LINGO2: variants seen among roughly 807,000 people sequenced by gnomAD.
LINGO2 encodes leucine rich repeat and Ig domain containing 2.
In LINGO2, 14 loss-of-function variants were observed where a neutral mutation model predicts 30.6. The observed-to-expected ratio is 0.46, with a 90% CI of 0.30 to 0.72. The LOEUF (loss-of-function observed/expected upper bound fraction) is 0.72, where lower values mean the gene tolerates loss of function less well. Among genes scored for constraint, LINGO2 ranks in the 30% least tolerant of loss-of-function variants. The pLI is 0.07. For missense variants in LINGO2, 729 were observed against 751.7 expected, an observed-to-expected ratio of 0.97 and a Z score of 0.35; for synonymous variants, 317 against 288.5, an observed-to-expected ratio of 1.10 and a Z score of -1.00.
At chr9:28,407,057 T>C (rs1410766143) in intron 2 of LINGO2, among the ~76,000 whole-genome samples, 1 of 152,122 alleles carries the variant, frequency 6.6e-6, no homozygotes, top group East Asian at 1.9e-4. Flanking sequence ...TACTACATTT[T>C]TGTTTCTAGG....
At chr9:28,076,062 T>C (rs531344893) in intron 4 of LINGO2, among the ~76,000 whole-genome samples, 3 of 152,208 alleles carry the variant, frequency 2.0e-5, no homozygotes, top group Non-Finnish European at 4.4e-5. Flanking sequence ...CTGTCATACA[T>C]GCTATTTGTC....
chr9:28,904,342 C>T, the LINGO2 span, among the ~76,000 whole-genome samples: 1 of 152,016 alleles, frequency 6.6e-6, no homozygotes, highest in Non-Finnish European at 1.5e-5. Context: ...TTGTACTCAA[C>T]ATAGCAGCCT....
chr9:28,780,101 G>A, the LINGO2 span, among the ~76,000 whole-genome samples: 1 of 152,050 alleles, frequency 6.6e-6, no homozygotes, highest in African/African-American at 2.4e-5. Flanking sequence ...TTAAAATGAT[G>A]TACAGATTTT....
intron 1 of LINGO2, among the ~76,000 whole-genome samples, chr9:28,512,268 T>C (rs4378054): frequency 0.98 from 148,368 of 152,002 alleles, 72,511 homozygotes; most frequent in Middle Eastern, 1. Context: ...CATTTTCCAC[T>C]AAAGCCCAGT....
chr9:28,496,993 C>G (rs919210879), intron 1 of LINGO2, among the ~76,000 whole-genome samples: 2 of 152,240 alleles, frequency 1.3e-5, no homozygotes, highest in Non-Finnish European at 2.9e-5. Flanking sequence ...GGCCGCCACT[C>G]TCTTCTGGCT....
chr9:28,261,540 T>C (rs1020760067), intron 4 of LINGO2, among the ~76,000 whole-genome samples: 2 of 151,952 alleles, frequency 1.3e-5, no homozygotes, highest in South Asian at 4.1e-4. Context: ...ATTTGGCACG[T>C]AGTCCTTTCT....
At chr9:28,419,607 A>T (rs1007231151) in intron 2 of LINGO2, among the ~76,000 whole-genome samples, 1 of 15,758 alleles carries the variant, frequency 6.3e-5, no homozygotes, top group Non-Finnish European at 1.0e-4. Context: ...AGATAGATTA[A>T]AAAAAAAAAG....
the LINGO2 span, among the ~76,000 whole-genome samples, chr9:29,193,085 G>C: frequency 7.9e-5 from 12 of 152,074 alleles, no homozygotes; most frequent in African/African-American, 2.7e-4. Context: ...CTTTTTCTGG[G>C]GGTAGGTGGA....
chr9:29,044,804 G>C, the LINGO2 span, among the ~76,000 whole-genome samples: 45 of 152,122 alleles, frequency 3.0e-4, no homozygotes, highest in African/African-American at 9.9e-4. Flanking sequence ...GATGGTACTG[G>C]AGCCTACGTA....
the LINGO2 span, among the ~76,000 whole-genome samples, chr9:28,774,382 T>C: frequency 6.6e-6 from 1 of 152,276 alleles, no homozygotes; most frequent in East Asian, 1.9e-4. Flanking sequence ...TTTTTGGCCA[T>C]TGCCAAAACG....
chr9:28,683,601 C>T, the LINGO2 span, among the ~76,000 whole-genome samples: 1 of 152,092 alleles, frequency 6.6e-6, no homozygotes, highest in African/African-American at 2.4e-5. Context: ...AAAACCATAG[C>T]TTAATATGGT....
At chr9:28,207,876 T>C (rs1820462796) in intron 4 of LINGO2, among the ~76,000 whole-genome samples, 1 of 152,156 alleles carries the variant, frequency 6.6e-6, no homozygotes, top group South Asian at 2.1e-4. Context: ...AGGGTGTTTT[T>C]TTTTTAAATG....
At chr9:28,813,509 A>T in the LINGO2 span, among the ~76,000 whole-genome samples, 1 of 152,098 alleles carries the variant, frequency 6.6e-6, no homozygotes, top group Non-Finnish European at 1.5e-5. Flanking sequence ...ATAACGAGAG[A>T]ACTACTGTAC....
the LINGO2 span, among the ~76,000 whole-genome samples, chr9:29,073,166 A>G: frequency 6.6e-6 from 1 of 152,142 alleles, no homozygotes; most frequent in East Asian, 1.9e-4. Flanking sequence ...AAAAAAATAT[A>G]TGTATATATA....
rs139989119 is a variant in LINGO2, at chr9:28,392,031, C to T, written c.-278-19163G>A. ...CATGCTGGCCAACATGGTGAAACCCCGTCTCTACTAAAAATAGAAAAATTA... is the reference window on the plus strand; with the variant it reads ...CATGCTGGCCAACATGGTGAAACCCTGTCTCTACTAAAAATAGAAAAATTA... On this transcript the variant is annotated intron_variant, in intron 2 of 5. Transcript: ENST00000379992. Among the ~76,000 whole-genome samples, 1,500 of 152,132 alleles carry T rather than the reference C, an allele frequency of 9.9e-3. 27 individuals carry two copies. The highest frequency in any genetic ancestry group is 0.034 in the African/African-American group (1,411 of 41,506).
intron 2 of LINGO2, among the ~76,000 whole-genome samples, chr9:28,441,872 A>C (rs902514404): frequency 2.6e-5 from 4 of 152,124 alleles, no homozygotes; most frequent in Non-Finnish European, 4.4e-5. Flanking sequence ...TACTTTGATA[A>C]CTTATTGTGT....
chr9:28,691,499 T>G, the LINGO2 span, among the ~76,000 whole-genome samples: 3 of 152,116 alleles, frequency 2.0e-5, no homozygotes, highest in African/African-American at 7.2e-5. Context: ...TTATCTTCCA[T>G]GTGCAAGCAA....
chr9:28,095,328 T>A (rs569627902), intron 4 of LINGO2, among the ~76,000 whole-genome samples: 1 of 152,172 alleles, frequency 6.6e-6, no homozygotes, highest in Admixed American at 6.6e-5. Context: ...CCAATGTTGT[T>A]TTTCCAAGGA....
intron 5 of LINGO2, among the ~76,000 whole-genome samples, chr9:27,983,181 T>G (rs748369680): frequency 6.6e-6 from 1 of 151,900 alleles, no homozygotes; most frequent in Non-Finnish European, 1.5e-5. Context: ...TTTTACCACA[T>G]CAAGTTATGT....
Sources: gnomAD v4.1 joint callset for allele counts (sites outside exome capture counted in the v4.1 genomes callset) on GRCh38, gnomAD v4.1.1 for gene constraint, MANE v1.5 for transcripts, NCBI Gene and HGNC (gene_info 2026-07-23, HGNC 2026-07-21) for gene names.